The following USP9Y variants were observed in gnomAD, a reference collection of about 807,000 sequenced individuals.
The protein encoded by USP9Y is ubiquitin specific peptidase 9 Y-linked, also known as ubiquitin carboxyl-terminal hydrolase 9Y.
In USP9Y, 41 loss-of-function variants were observed where a neutral mutation model predicts 53.1. The observed-to-expected ratio is 0.77, with a 90% CI of 0.60 to 1.00. The LOEUF is 1.00. Ranked by LOEUF, USP9Y falls within the 50% of genes least tolerant of loss-of-function variation. USP9Y has a pLI of 0.00. For synonymous variants in USP9Y, 220 were observed against 173.7 expected, an observed-to-expected ratio of 1.27 and a Z score of -2.09; for missense variants, 567 against 535.8, an observed-to-expected ratio of 1.06 and a Z score of -0.58.
chrY:12,846,246 G>A, intron 39 of USP9Y, 87 bp from the exon 40 acceptor site: 5 of 250,267 alleles, frequency 2.0e-5, no homozygotes, highest in Non-Finnish European at 3.1e-5. Context: ...AACTTACAAA[G>A]AGCTATAATA....
At chrY:12,713,661 C>A (rs2053427048) in intron 3 of USP9Y, among the ~76,000 whole-genome samples, 1 of 32,517 alleles carries the variant, frequency 3.1e-5, no homozygotes, top group South Asian at 6.6e-4. Context: ...TTAGACCAAA[C>A]CCAGTGTAAT....
In USP9Y at chrY:12,778,125, G is replaced by A; in HGVS notation, c.2746G>A (p.Val916Ile). 1 of 397,792 alleles carries A rather than the reference G, an allele frequency of 2.5e-6. No individual in the cohort carries two copies. The highest frequency in any genetic ancestry group is 3.5e-6 in the Non-Finnish European group (1 of 283,069). Residue 916 changes from valine (V) to isoleucine (I), a missense_variant, in exon 20 of 46, where the codon GTA becomes ATA. By Grantham distance (29) the Val-to-Ile change is conservative. Coordinates refer to ENST00000338981, the MANE Select transcript of USP9Y (RefSeq NM_004654.4). ...WSHTNDTIGS[V>I]RRCIVNRIKA... ...TCATACGAATGACACAATTGGTTCAGTACGGCGATGTATTGTTAATCGTAT... is the reference window on the plus strand; with the variant it reads ...TCATACGAATGACACAATTGGTTCAATACGGCGATGTATTGTTAATCGTAT...
chrY:12,857,616 A>G lies in USP9Y; in HGVS notation c.7485A>G (p.Glu2495=). 1 of 387,870 alleles carries G rather than the reference A, an allele frequency of 2.6e-6. No individual in the cohort carries two copies. Among genetic ancestry groups the G allele is most frequent in the Non-Finnish European group, 3.6e-6 (1 of 277,441 alleles). The change falls in exon 45 of 46, where the codon GAA becomes GAG. Residue 2495 remains glutamate, a synonymous_variant. Coordinates refer to ENST00000338981, the MANE Select transcript of USP9Y (RefSeq NM_004654.4). ...APDEHEPSPS[E]DAPLYPHSPA... ...ATGAGCATGAGCCCTCTCCATCAGAAGATGCCCCATTATATCCTCATTCAC... is the reference window on the plus strand; with the variant it reads ...ATGAGCATGAGCCCTCTCCATCAGAGGATGCCCCATTATATCCTCATTCAC...
At chrY:12,815,472 C>T (rs2053535542) in intron 31 of USP9Y, among the ~76,000 whole-genome samples, 2 of 33,677 alleles carry the variant, frequency 5.9e-5, no homozygotes, top group African/African-American at 2.3e-4. Context: ...GTGATCTGCC[C>T]GCCTTGGCCT....
At chrY:12,706,314 G>A in intron 1 of USP9Y, among the ~76,000 whole-genome samples, 1 of 33,482 alleles carries the variant, frequency 3.0e-5, no homozygotes, top group African/African-American at 1.2e-4. Flanking sequence ...TTGTATACAA[G>A]GCAATCGATG....
chrY:12,817,396 C>A, intron 32 of USP9Y, among the ~76,000 whole-genome samples: 2 of 34,213 alleles, frequency 5.8e-5, no homozygotes, highest in Non-Finnish European at 1.5e-4. Flanking sequence ...TACATATCTT[C>A]CCTTCAGTGA....
chrY:12,820,412 A>G (rs889167569), intron 33 of USP9Y, among the ~76,000 whole-genome samples: 5 of 33,490 alleles, frequency 1.5e-4, no homozygotes, highest in Non-Finnish European at 3.0e-4. Context: ...CCACCCTTAT[A>G]TGTATTAGCA....
intron 7 of USP9Y, among the ~76,000 whole-genome samples, chrY:12,727,191 A>G (rs958840268): frequency 1.2e-4 from 4 of 34,061 alleles, no homozygotes; most frequent in African/African-American, 4.6e-4. Flanking sequence ...ATGCTTACAT[A>G]TATTTACAGA....
chrY:12,766,359 A>C (rs1007440925), intron 15 of USP9Y, among the ~76,000 whole-genome samples: 5 of 33,632 alleles, frequency 1.5e-4, no homozygotes, highest in Admixed American at 2.7e-4. Context: ...ACGTGTTTGG[A>C]GGCAAGCAGA....
intron 12 of USP9Y, among the ~76,000 whole-genome samples, chrY:12,746,756 CAG>C (rs2053461012): frequency 4.6e-5 from 1 of 21,621 alleles, no homozygotes; most frequent in Admixed American, 4.7e-4. Context: ...TTTTTTGAGA[CAG>C]AGTCTCGCTC....
In USP9Y at chrY:12,723,898, C is replaced by T. The variant is rs2053438913; in HGVS notation, c.326-1215C>T. On this transcript the variant is annotated intron_variant, in intron 5 of 45. Coordinates refer to ENST00000338981, the MANE Select transcript of USP9Y (RefSeq NM_004654.4). ...TAATAACTATCCTACTGTCATTTAA[C>T]GACTGTTATGTTGTTTTACTGATCT... Among the ~76,000 whole-genome samples, 7 of 33,094 alleles carry T rather than the reference C, an allele frequency of 2.1e-4. No homozygotes were observed. In the East Asian group the frequency reaches 3.9e-3, roughly 19 times the overall value. 88.8% of individuals were successfully genotyped at this position (33,094 alleles called of 37,273 possible). A position where few individuals can be genotyped will look rare whatever the true frequency, so the allele number is the denominator to read the frequency against.
chrY:12,827,746 T>C, intron 33 of USP9Y, among the ~76,000 whole-genome samples: 1 of 32,829 alleles, frequency 3.0e-5, no homozygotes, highest in East Asian at 8.0e-4. Flanking sequence ...GTGGATCACC[T>C]GAGGTCAGGA....
chrY:12,744,333 CT>C, intron 12 of USP9Y, among the ~76,000 whole-genome samples: 1 of 33,810 alleles, frequency 3.0e-5, no homozygotes, highest in Non-Finnish European at 7.3e-5. Context: ...CTTGATATAA[CT>C]GAGGGTTTGT....
Position 12,839,915 on chromosome Y carries a change from A to C in USP9Y, c.5389A>C (p.Ile1797Leu), listed in dbSNP as rs756745593. The change falls in exon 36 of 46, where the codon ATC becomes CTC. Residue 1797 changes from isoleucine (I) to leucine (L), a missense_variant. Physicochemically the swap from Ile to Leu is conservative, Grantham distance 5 (BLOSUM62 2). Coordinates refer to ENST00000338981, the MANE Select transcript of USP9Y (RefSeq NM_004654.4). ...TAAAAAATTGCCTCGGGTTCTTGCT[A>C]TCCAACTCAAACGATTTGACTATGA... ...LIKKLPRVLAIQLKRFDYDWE... is the reference protein window; with the variant it reads ...LIKKLPRVLALQLKRFDYDWE... 2.5e-6 allele frequency: 1 copy of C among 398,516 alleles called. No individual in the cohort carries two copies.
In USP9Y at chrY:12,810,190, A is replaced by G; in HGVS notation, c.3995A>G (p.Gln1332Arg). The G allele has an allele frequency of 2.5e-6, 1 of 398,428 alleles. No individual in the cohort carries two copies. The highest frequency in any genetic ancestry group is 3.5e-6 in the Non-Finnish European group (1 of 283,145). ...LLHCPSKTVRQLAQEQFFLMC... is the reference protein window; with the variant it reads ...LLHCPSKTVRRLAQEQFFLMC... ...TGTTTTTATTTCAGAACTGTTCGTC[A>G]GTTGGCACAGGAGCAGTTCTTTTTA... Residue 1332 changes from glutamine (Q) to arginine (R), a missense_variant, in exon 28 of 46, where the codon CAG (glutamine) becomes CGG (arginine). Transcript: ENST00000338981.
intron 33 of USP9Y, among the ~76,000 whole-genome samples, chrY:12,822,040 G>A: frequency 5.9e-5 from 2 of 34,135 alleles, no homozygotes; most frequent in Non-Finnish European, 1.5e-4. Flanking sequence ...AACACTTGCT[G>A]TTTCCTTACT....
intron 27 of USP9Y, among the ~76,000 whole-genome samples, chrY:12,797,792 G>A: frequency 1.5e-4 from 5 of 33,177 alleles, no homozygotes; most frequent in African/African-American, 5.9e-4. Context: ...TCCTTGTATC[G>A]TAATGTTATG....
chrY:12,842,791 T>A, intron 38 of USP9Y, among the ~76,000 whole-genome samples: 1 of 33,490 alleles, frequency 3.0e-5, no homozygotes, highest in African/African-American at 1.2e-4. Flanking sequence ...AAATTGACAT[T>A]AGTGATAATG....
intron 42 of USP9Y, among the ~76,000 whole-genome samples, chrY:12,853,092 G>A: frequency 5.9e-5 from 2 of 34,151 alleles, no homozygotes; most frequent in African/African-American, 1.1e-4. Context: ...GGATGTTTAA[G>A]TCTGCAGAAG....
Sources: gnomAD v4.1 joint callset for allele counts (sites outside exome capture counted in the v4.1 genomes callset) on GRCh38, gnomAD v4.1.1 for gene constraint, MANE v1.5 for transcripts, NCBI Gene and HGNC (gene_info 2026-07-23, HGNC 2026-07-21) for gene names.